Variants in ETHE1 observed in about 807,000 individuals in gnomAD.
ETHE1 encodes the protein ETHE1 persulfide dioxygenase.
In ETHE1, 16 loss-of-function variants were observed where a neutral mutation model predicts 25.7. The ratio of observed to expected loss-of-function variants is 0.62; its 90% CI spans 0.42 to 0.95. The LOEUF (loss-of-function observed/expected upper bound fraction) is 0.95. Ranked by LOEUF, ETHE1 falls within the 40% of genes least tolerant of loss-of-function variation. The pLI is 0.00. For synonymous variants in ETHE1, 139 were observed against 135.9 expected, an observed-to-expected ratio of 1.02 and a Z score of -0.16; for missense variants, 300 against 333.6, an observed-to-expected ratio of 0.90 and a Z score of 0.79.
At chr19:43,520,112 G>T (rs767452847) in intron 3 of ETHE1, among the ~76,000 whole-genome samples, 5 of 151,680 alleles carry the variant, frequency 3.3e-5, no homozygotes, top group African/African-American at 4.8e-5. Flanking sequence ...ACTTTGGGAG[G>T]TCAAGGCAGG....
intron 3 of ETHE1, among the ~76,000 whole-genome samples, chr19:43,519,260 C>A (rs1233139107): frequency 6.6e-6 from 1 of 152,006 alleles, no homozygotes; most frequent in African/African-American, 2.4e-5. Context: ...GATCCGCACA[C>A]CTCGGCTTCC....
At chr19:43,510,662 T>G (rs1270918673) in intron 4 of ETHE1, among the ~76,000 whole-genome samples, 1 of 150,750 alleles carries the variant, frequency 6.6e-6, no homozygotes, top group African/African-American at 2.4e-5. Flanking sequence ...TTAGCTATAT[T>G]TGTTTCTTAG....
Position 43,513,875 on chromosome 19 carries a change from C to T in ETHE1, c.376-2309G>A, listed in dbSNP as rs555326439. ...TAGTTGAGACTACAGGCATGTGCCA[C>T]CATGCCTGCCTAATTTTTGTATTTT... On this transcript the variant is annotated intron_variant, in intron 3 of 6. Transcript: ENST00000292147. Among the ~76,000 whole-genome samples the T allele has an allele frequency of 2.1e-4, 32 of 152,118 alleles. 1 individual carries two copies. The highest frequency in any genetic ancestry group is 6.5e-4 in the African/African-American group (27 of 41,496).
Position 43,508,781 on chromosome 19 carries a change from A to C in ETHE1, c.589T>G (p.Tyr197Asp). The change falls in exon 5 of 7, where the codon TAC becomes GAC. Residue 197 changes from tyrosine (Y) to aspartate (D), a missense_variant. Tyr to Asp is a radical substitution (Grantham distance 160, BLOSUM62 -3). Coordinates refer to ENST00000292147, the MANE Select transcript of ETHE1 (RefSeq NM_014297.5). ...TCTTCCAGGAAGCCCTCACCATGGT[A>C]ATCGTGAGCAGGGTAGATCAGACAG... ...GDCLIYPAHD[Y>D]HGFTVSTVEE... is the part of the protein sequence containing the mutation. 1 of 1,601,276 alleles carries C rather than the reference A, an allele frequency of 6.2e-7. No homozygotes were observed. Among genetic ancestry groups the C allele is most frequent in the Non-Finnish European group, 8.5e-7 (1 of 1,173,504 alleles).
chr19:43,526,708 C>A, intron 1 of ETHE1, 49 bp from the exon 2 acceptor site: 1 of 1,611,794 alleles, frequency 6.2e-7, no homozygotes, highest in East Asian at 2.2e-5. Context: ...CTTCCACCCA[C>A]TGGAGGCCAA....
At chr19:43,518,873 T>G (rs753695464) in intron 3 of ETHE1, among the ~76,000 whole-genome samples, 1 of 151,718 alleles carries the variant, frequency 6.6e-6, no homozygotes, top group Non-Finnish European at 1.5e-5. Flanking sequence ...ATCAAAACGA[T>G]TTTTGGACTT....
intron 3 of ETHE1, among the ~76,000 whole-genome samples, chr19:43,520,609 G>T (rs2146005136): frequency 1.3e-5 from 2 of 151,952 alleles, no homozygotes; most frequent in South Asian, 4.2e-4. Context: ...CCTGAGGCAG[G>T]AGGATCGCTT....
At position 43,526,620 on chromosome 19, in the gene ETHE1, C is replaced by A; in HGVS notation, c.121G>T (p.Gly41Cys). The change falls in exon 2 of 7, where the codon GGT (glycine) becomes TGT (cysteine). Residue 41 changes from glycine (G) to cysteine (C), a missense_variant. By Grantham distance (159) the Gly-to-Cys change is radical (BLOSUM62 -3). Coordinates refer to ENST00000292147, the MANE Select transcript of ETHE1 (RefSeq NM_014297.5). ...ACGGCCTCCCGGGACTCTCTGTCACCCAGCAGGTACGTGAAGGTGCAGCTC... is the reference window on the plus strand; with the variant it reads ...ACGGCCTCCCGGGACTCTCTGTCACACAGCAGGTACGTGAAGGTGCAGCTC... ...PVSCTFTYLLGDRESREAVLI... is the reference protein window; with the variant it reads ...PVSCTFTYLLCDRESREAVLI... The A allele has an allele frequency of 6.2e-7, 1 of 1,614,078 alleles. No homozygotes were observed. The highest frequency in any genetic ancestry group is 8.5e-7 in the Non-Finnish European group (1 of 1,180,000).
intron 3 of ETHE1, among the ~76,000 whole-genome samples, chr19:43,523,540 G>A (rs1389413721): frequency 6.6e-6 from 1 of 151,534 alleles, no homozygotes; most frequent in Middle Eastern, 3.4e-3. Flanking sequence ...GCCTCTCAAC[G>A]TACTGGAATT....
At chr19:43,518,471 G>T (rs541905543) in intron 3 of ETHE1, among the ~76,000 whole-genome samples, 8 of 152,210 alleles carry the variant, frequency 5.3e-5, no homozygotes, top group African/African-American at 1.9e-4. Context: ...TATTGGCCGG[G>T]CGTGGTGTCT....
chr19:43,514,581 G>T (rs1201476044), intron 3 of ETHE1, among the ~76,000 whole-genome samples: 2 of 145,510 alleles, frequency 1.4e-5, no homozygotes, highest in African/African-American at 5.2e-5. Context: ...TGCCTCCCCA[G>T]TTCAAGCAAT....
At chr19:43,526,775 ACTC>A (rs1326260571) in intron 1 of ETHE1, 116 bp from the exon 2 acceptor site, 1 of 1,553,312 alleles carries the variant, frequency 6.4e-7, no homozygotes, top group African/African-American at 1.4e-5. Flanking sequence ...ACCCCAGCCC[ACTC>A]TTTCCCCGGG....
intron 4 of ETHE1, among the ~76,000 whole-genome samples, 164 bp downstream of exon 4, chr19:43,511,273 A>T (rs1971909171): frequency 6.6e-6 from 1 of 152,226 alleles, no homozygotes; most frequent in South Asian, 2.1e-4. Flanking sequence ...CCCTGGTGCC[A>T]AAAAGGTTGG....
In ETHE1 at chr19:43,507,899, C is replaced by A. The variant is rs1464952627; in HGVS notation, c.712+45G>T. On this transcript the variant is annotated intron_variant, in intron 6 of 6. Coordinates refer to ENST00000292147, the MANE Select transcript of ETHE1 (RefSeq NM_014297.5). ...CAGACCCAGGAGTCCAAGACCCCAG[C>A]CCCTCCTCTCTCAGACCCAGAAGTC... 4 of 1,597,474 alleles carry A rather than the reference C, an allele frequency of 2.5e-6. No individual in the cohort carries two copies. The South Asian group carries it at 4.5e-5, about 18-fold the overall frequency.
intron 3 of ETHE1, among the ~76,000 whole-genome samples, chr19:43,516,897 T>G (rs1568496306): frequency 6.6e-6 from 1 of 152,180 alleles, no homozygotes; most frequent in Non-Finnish European, 1.5e-5. Context: ...CCCAAAGTGT[T>G]GGGATTACAG....
chr19:43,506,725 TAA>T lies in ETHE1; in HGVS notation c.*123_*124del, dbSNP rs557741336. On this transcript the variant is annotated 3_prime_UTR_variant, in exon 7 of 7. Coordinates refer to ENST00000292147, the MANE Select transcript of ETHE1 (RefSeq NM_014297.5). Reference sequence around the variant, plus strand: ...AAATAGGTAGAAGTCAGACTCACGTTAAAAAAAGTTTTATTTAGGGAGCTCCA... The same window carrying T: ...AAATAGGTAGAAGTCAGACTCACGTTAAAAAGTTTTATTTAGGGAGCTCCA... 1.9e-4 allele frequency: 177 copies of T among 939,434 alleles called. No homozygotes were observed. The highest frequency in any genetic ancestry group is 1.7e-3 in the Admixed American group (87 of 52,696). 58.2% of individuals were successfully genotyped at this position (939,434 alleles called of 1,614,324 possible).
Position 43,506,917 on chromosome 19 carries a change from T to C in ETHE1, c.713-15A>G, listed in dbSNP as rs1385267349. 6.2e-7 allele frequency: 1 copy of C among 1,613,714 alleles called. No individual in the cohort carries two copies. Among genetic ancestry groups the C allele is most frequent in the Non-Finnish European group, 8.5e-7 (1 of 1,179,832 alleles). ...AACAGCAAAGTCTGAAAGGAAGAAATCAAGGTTAAAACTAAGGGGCCTAGG... is the reference window on the plus strand; with the variant it reads ...AACAGCAAAGTCTGAAAGGAAGAAACCAAGGTTAAAACTAAGGGGCCTAGG... On this transcript the variant is annotated splice_polypyrimidine_tract_variant and intron_variant, in intron 6 of 6. Transcript: ENST00000292147.
chr19:43,526,776 C>T, intron 1 of ETHE1, 117 bp from the exon 2 acceptor site: 1 of 1,554,928 alleles, frequency 6.4e-7, no homozygotes. Context: ...CCCCAGCCCA[C>T]TCTTTCCCCG....
At chr19:43,509,957 T>C (rs1971876793) in intron 4 of ETHE1, among the ~76,000 whole-genome samples, 1 of 152,124 alleles carries the variant, frequency 6.6e-6, no homozygotes, top group African/African-American at 2.4e-5. Flanking sequence ...GCTTCCTGAC[T>C]GTACTGTGAA....
Sources: allele counts gnomAD v4.1 joint callset (sites outside exome capture counted in the v4.1 genomes callset), GRCh38; gene constraint gnomAD v4.1.1; transcripts MANE v1.5; gene names NCBI Gene and HGNC (gene_info 2026-07-23, HGNC 2026-07-21).